The following PPP2R5B variants were observed in gnomAD, a reference collection of about 807,000 sequenced individuals.
PPP2R5B encodes protein phosphatase 2 regulatory subunit B'beta, also known as serine/threonine-protein phosphatase 2A 56 kDa regulatory subunit beta isoform.
In PPP2R5B, 19 loss-of-function variants were observed where a neutral mutation model predicts 59.9. The observed-to-expected ratio is 0.32, with a 90% CI of 0.22 to 0.47. PPP2R5B has a LOEUF of 0.47. PPP2R5B is among the 20% of genes least tolerant of loss of function. The pLI, the probability that PPP2R5B is intolerant of heterozygous loss-of-function variation, is 1.00. For synonymous variants in PPP2R5B, 286 were observed against 260.5 expected (o/e 1.10, Z -0.94); for missense variants, 441 against 640.2 (o/e 0.69, Z 3.36).
upstream of PPP2R5B, among the ~76,000 whole-genome samples, chr11:64,921,463 C>T (rs771266749): frequency 1.3e-5 from 2 of 152,348 alleles, no homozygotes; most frequent in South Asian, 4.1e-4. Context: ...ATCAGGCAAA[C>T]TGTGTGCTTC....
upstream of PPP2R5B, among the ~76,000 whole-genome samples, chr11:64,923,299 T>G (rs148176735): frequency 6.1e-3 from 932 of 152,304 alleles, 6 homozygotes; most frequent in Non-Finnish European, 0.01. Flanking sequence ...AAGGCGCTTC[T>G]CCTCTCTAGG....
Position 64,934,430 on chromosome 11 carries a change from C to T in PPP2R5B, c.*586C>T. 2.5e-6 allele frequency: 1 copy of T among 396,358 alleles called. No homozygotes were observed. The highest frequency in any genetic ancestry group is 2.4e-5 in the South Asian group (1 of 41,118). The allele number at this position is 396,358 out of a possible 1,614,324, so 24.6% of individuals were successfully genotyped here. The stretch of plus-strand genomic sequence containing the variant: ...GGGTTCACAGTAATCATGGTCTACT[C>T]CTCTTTCCGTGGCTGGGGGTAGACT... On this transcript the variant is annotated 3_prime_UTR_variant, in exon 14 of 14. Coordinates refer to ENST00000164133, the MANE Select transcript of PPP2R5B (RefSeq NM_006244.4).
rs1757201790 is a variant in PPP2R5B at position 64,928,359 on chromosome 11, G to A, written c.656G>A (p.Arg219Gln). The change falls in exon 6 of 14, where the codon CGG (arginine) becomes CAG (glutamine). Residue 219 changes from arginine to glutamine, a missense_variant. This residue lies in a region of PPP2R5B where 268 missense variants were observed against 488.1 expected (regional missense o/e 0.55). Transcript: ENST00000164133. ...GAGTACCTCAAGACCATCCTGCACCGGGTCTATGGCAAGTTCCTGGGTCTC... is the reference window on the plus strand; with the variant it reads ...GAGTACCTCAAGACCATCCTGCACCAGGTCTATGGCAAGTTCCTGGGTCTC... ...EREYLKTILH[R>Q]VYGKFLGLRA... 4 of 1,614,108 alleles carry A rather than the reference G, an allele frequency of 2.5e-6. No individual in the cohort carries two copies. Among genetic ancestry groups the A allele is most frequent in the African/African-American group, 1.3e-5 (1 of 74,940 alleles).
intron 12 of PPP2R5B, 39 bp from the exon 13 acceptor site, chr11:64,933,106 A>G: frequency 6.4e-7 from 1 of 1,559,600 alleles, no homozygotes; most frequent in East Asian, 2.2e-5. Context: ...GGCAAACCAA[A>G]GCTGTTTCAT....
chr11:64,930,309 T>A lies in PPP2R5B; in HGVS notation c.723-13T>A. 1.9e-6 allele frequency: 3 copies of A among 1,613,938 alleles called. No individual in the cohort carries two copies. Among genetic ancestry groups the A allele is most frequent in the Middle Eastern group, 3.3e-4 (2 of 6,030 alleles). On this transcript the variant is annotated splice_polypyrimidine_tract_variant and intron_variant, in intron 6 of 13. Transcript: ENST00000164133. ...CTGCTTGCTTTGAGCCCACCTGCGT[T>A]CTTCTCTTGCAGGTTCATCTATGAA... is the stretch of plus-strand genomic sequence containing the variant.
chr11:64,933,938 C>G lies in PPP2R5B; in HGVS notation c.*94C>G. The G allele has an allele frequency of 7.3e-7, 1 of 1,373,650 alleles. No individual in the cohort carries two copies. The highest frequency in any genetic ancestry group is 9.5e-7 in the Non-Finnish European group (1 of 1,051,132). 85.1% of individuals were successfully genotyped at this position (1,373,650 alleles called of 1,614,324 possible). On this transcript the variant is annotated 3_prime_UTR_variant, in exon 14 of 14. Transcript: ENST00000164133. The stretch of plus-strand genomic sequence containing the variant: ...GGCCCAGAGAGAAACACACCTACCC[C>G]TGGCCTTGCCAGAGTGGCTTCTGAG...
chr11:64,921,614 G>A (rs890013509), upstream of PPP2R5B, among the ~76,000 whole-genome samples: 9 of 152,272 alleles, frequency 5.9e-5, no homozygotes, highest in African/African-American at 2.2e-4. Context: ...TTTATCAGAG[G>A]GAAGGGCTTT....
intron 8 of PPP2R5B, among the ~76,000 whole-genome samples, chr11:64,930,805 A>G (rs191421857): frequency 1.3e-4 from 20 of 152,368 alleles, no homozygotes; most frequent in African/African-American, 4.6e-4. Flanking sequence ...CTCCCTTGGC[A>G]GAATTACATT....
rs1202202740 is a variant in PPP2R5B, at chr11:64,925,677, T to G, written c.-58T>G. On this transcript the variant is annotated 5_prime_UTR_variant, in exon 2 of 14. Coordinates refer to ENST00000164133, the MANE Select transcript of PPP2R5B (RefSeq NM_006244.4). The surrounding 1 kb of genome is among the most constrained non-coding windows in gnomAD (Gnocchi z 4.6). ...AGTCTGTCCAGTCTCACCCAGCACC[T>G]CCCAGGCCCAGAGAGAACCCCCGGG... 1.2e-6 allele frequency: 1 copy of G among 823,792 alleles called. No homozygotes were observed. 51.0% of individuals were successfully genotyped at this position (823,792 alleles called of 1,614,324 possible).
rs570059345 is a variant in PPP2R5B, at chr11:64,932,260, C to T, written c.1116+392C>T. ...TAGTGGCCTTAGATTTCATTAGACTCGCTTTGGGATGCAGCCAGGCTTCCC... is the reference window on the plus strand; with the variant it reads ...TAGTGGCCTTAGATTTCATTAGACTTGCTTTGGGATGCAGCCAGGCTTCCC... On this transcript the variant is annotated intron_variant, in intron 11 of 13. Coordinates refer to ENST00000164133, the MANE Select transcript of PPP2R5B (RefSeq NM_006244.4). Among the ~76,000 whole-genome samples, 12 of 152,278 alleles carry T rather than the reference C, an allele frequency of 7.9e-5. No individual in the cohort carries two copies. The South Asian group carries it at 8.3e-4, about 11-fold the overall frequency.
Position 64,931,428 on chromosome 11 carries a change from C to T in PPP2R5B, c.892-8C>T. 6.2e-7 allele frequency: 1 copy of T among 1,614,030 alleles called. No homozygotes were observed. Among genetic ancestry groups the T allele is most frequent in the East Asian group, 2.2e-5 (1 of 44,878 alleles). On this transcript the variant is annotated splice_region_variant and splice_polypyrimidine_tract_variant and intron_variant, in intron 8 of 13. Coordinates refer to ENST00000164133, the MANE Select transcript of PPP2R5B (RefSeq NM_006244.4). This position sits in a 1 kb window ranked among gnomAD's most constrained non-coding sequence, Gnocchi z 5.0. The stretch of plus-strand genomic sequence containing the variant: ...GTCTTCCTTCCCTCCACCTGTCACC[C>T]CCTGCAGCTGGCATACTGTGTGGTG...
At position 64,931,762 on chromosome 11, in the gene PPP2R5B, G is replaced by A. The variant is rs1431143540; in HGVS notation, c.1010G>A (p.Gly337Glu). Reference protein sequence around the residue: ...TCTQKEVMFLGEMEEILDVIE... With the variant: ...TCTQKEVMFLEEMEEILDVIE... ...CAACCCACCCAGGTGATGTTTCTGG[G>A]GGAGATGGAAGAGATTCTTGATGTC... The change falls in exon 11 of 14, where the codon GGG (glycine) becomes GAG (glutamate). Residue 337 changes from glycine to glutamate, a missense_variant. By Grantham distance (98) the Gly-to-Glu change is moderately conservative. Transcript: ENST00000164133. This position sits in a 1 kb window ranked among gnomAD's most constrained non-coding sequence, Gnocchi z 5.0. 6.2e-7 allele frequency: 1 copy of A among 1,614,224 alleles called. No homozygotes were observed.
At position 64,931,863 on chromosome 11, in the gene PPP2R5B, T is replaced by C. The variant is rs1301579962; in HGVS notation, c.1111T>C (p.Phe371Leu). Residue 371 changes from phenylalanine to leucine, a missense_variant, in exon 11 of 14, where the codon TTC becomes CTC. Phe to Leu is a conservative substitution (Grantham distance 22). Around this residue, in one of 3 missense-constraint regions of PPP2R5B, gnomAD observed 268 missense variants for 488.1 expected, o/e 0.55. Coordinates refer to ENST00000164133, the MANE Select transcript of PPP2R5B (RefSeq NM_006244.4). This position sits in a 1 kb window ranked among gnomAD's most constrained non-coding sequence, Gnocchi z 5.0. ...GGCTCGCTGTGTTTCCAGCCCCCAT[T>C]TCCAGGTATGAGGCAGGACAGGCGG... ...QVARCVSSPH[F>L]QVAERALYFW... is the part of the protein sequence containing the mutation. The C allele has an allele frequency of 6.2e-7, 1 of 1,613,942 alleles. No homozygotes were observed. Among genetic ancestry groups the C allele is most frequent in the South Asian group, 1.1e-5 (1 of 91,050 alleles).
chr11:64,925,613 T>TG lies in PPP2R5B; in HGVS notation c.-121dup. 9.4e-6 allele frequency: 5 copies of TG among 530,696 alleles called. No homozygotes were observed. Among genetic ancestry groups the TG allele is most frequent in the Non-Finnish European group, 1.7e-5 (5 of 301,778 alleles). The allele number at this position is 530,696 out of a possible 1,614,324, so 32.9% of individuals were successfully genotyped here. A position where few individuals can be genotyped will look rare whatever the true frequency, so the allele number is the denominator to read the frequency against. On this transcript the variant is annotated 5_prime_UTR_variant, in exon 2 of 14. Transcript: ENST00000164133. The surrounding 1 kb of genome is among the most constrained non-coding windows in gnomAD (Gnocchi z 4.6). ...GGGGGGGGGCCCAGGACTGTGGTTG[T>TG]GCCCCCCCCCCAAAGGCCGGACAGG... is the stretch of plus-strand genomic sequence containing the variant.
At chr11:64,923,744 C>CCTA (rs1348370882), upstream of PPP2R5B, among the ~76,000 whole-genome samples, 1 of 152,196 alleles carries the variant, frequency 6.6e-6, no homozygotes, top group Non-Finnish European at 1.5e-5. Flanking sequence ...ATCACCCTTT[C>CCTA]CTACTGCTCA....
chr11:64,925,606 G>A lies in PPP2R5B; in HGVS notation c.-129G>A, dbSNP rs1157337416. 1 of 569,320 alleles carries A rather than the reference G, an allele frequency of 1.8e-6. No individual in the cohort carries two copies. The allele number at this position is 569,320 out of a possible 1,614,324, so 35.3% of individuals were successfully genotyped here. The stretch of plus-strand genomic sequence containing the variant: ...AGGCCCTGGGGGGGGGCCCAGGACT[G>A]TGGTTGTGCCCCCCCCCCAAAGGCC... On this transcript the variant is annotated 5_prime_UTR_variant, in exon 2 of 14. It adds an upstream start codon to the 5' untranslated region. Transcript: ENST00000164133. This position sits in a 1 kb window ranked among gnomAD's most constrained non-coding sequence, Gnocchi z 4.6.
rs1295564192 is a variant in PPP2R5B at position 64,933,774 on chromosome 11, C to G, written c.1424C>G (p.Thr475Ser). The G allele has an allele frequency of 1.3e-6, 2 of 1,554,830 alleles. No homozygotes were observed. The highest frequency in any genetic ancestry group is 1.7e-6 in the Non-Finnish European group (2 of 1,148,824). The change falls in exon 14 of 14, where the codon ACC (threonine) becomes AGC (serine). Residue 475 changes from threonine to serine, a missense_variant. Transcript: ENST00000164133. Reference sequence around the variant, plus strand: ...CTGCGGCTACGCCGGCTACAGGGGACCCAGGGGGCCAAGGAGGCCCCCCTC... The same window carrying G: ...CTGCGGCTACGCCGGCTACAGGGGAGCCAGGGGGCCAAGGAGGCCCCCCTC... ...EELRLRRLQG[T>S]QGAKEAPLQR...
chr11:64,923,737 A>C (rs1039550746), upstream of PPP2R5B, among the ~76,000 whole-genome samples: 1 of 151,852 alleles, frequency 6.6e-6, no homozygotes, highest in African/African-American at 2.4e-5. Flanking sequence ...TGGTCTCATC[A>C]CCCTTTCCTA....
intron 6 of PPP2R5B, among the ~76,000 whole-genome samples, chr11:64,929,439 A>T (rs1945205314): frequency 1.3e-5 from 2 of 152,184 alleles, no homozygotes. Flanking sequence ...TAAAATGGGA[A>T]TGCTGGCTGG....
Sources: gnomAD v4.1 joint callset for allele counts (sites outside exome capture counted in the v4.1 genomes callset) on GRCh38, gnomAD v4.1.1 for gene constraint, gnomAD v4.1.1 regional missense constraint, Gnocchi (gnomAD v3.1) non-coding constraint, MANE v1.5 for transcripts, NCBI Gene and HGNC (gene_info 2026-07-23, HGNC 2026-07-21) for gene names.